Variants in RALGPS2 observed in about 807,000 individuals in gnomAD.
RALGPS2 encodes Ral GEF with PH domain and SH3 binding motif 2.
In RALGPS2, 43 loss-of-function variants were observed where a neutral mutation model predicts 86.8. The ratio of observed to expected loss-of-function variants is 0.50; its 90% CI spans 0.39 to 0.64. RALGPS2 has a LOEUF of 0.64. RALGPS2 is among the 30% of genes least tolerant of loss of function. The probability of loss-of-function intolerance (pLI) is 0.00; values close to 1 mark genes in which losing one functional copy is unlikely to be tolerated. For missense variants in RALGPS2, 536 were observed against 694.6 expected, an observed-to-expected ratio of 0.77 and a Z score of 2.57; for synonymous variants, 243 against 231.3, an observed-to-expected ratio of 1.05 and a Z score of -0.46.
chr1:178,747,700 GC>G, intron 1 of RALGPS2: 1 of 1,414,712 alleles, frequency 7.1e-7, no homozygotes, highest in Non-Finnish European at 1.0e-6. Flanking sequence ...TACAGCAGCT[GC>G]CAGCGATGCT....
intron 10 of RALGPS2, among the ~76,000 whole-genome samples, chr1:178,882,011 A>G (rs963434491): frequency 1.4e-4 from 21 of 152,212 alleles, no homozygotes; most frequent in Middle Eastern, 6.8e-3. Context: ...TCAGGGTGAA[A>G]ATTCTTCTGG....
chr1:178,763,669 C>G (rs1010589019), intron 1 of RALGPS2, among the ~76,000 whole-genome samples: 1 of 152,108 alleles, frequency 6.6e-6, no homozygotes, highest in African/African-American at 2.4e-5. Context: ...TATAGGAGTG[C>G]TACTGATTTT....
At chr1:178,795,119 G>A (rs969879805) in intron 4 of RALGPS2, among the ~76,000 whole-genome samples, 9 of 151,778 alleles carry the variant, frequency 5.9e-5, no homozygotes, top group Admixed American at 3.9e-4. Context: ...GGCAGAGGTT[G>A]CAGTGAGCCG....
intron 9 of RALGPS2, 92 bp downstream of exon 9, chr1:178,877,727 G>A: frequency 7.0e-7 from 1 of 1,438,812 alleles, no homozygotes; most frequent in South Asian, 1.3e-5. Context: ...CACACAGCAG[G>A]GGACATCAAT....
chr1:178,809,459 T>C (rs1654878425), intron 5 of RALGPS2, among the ~76,000 whole-genome samples: 1 of 152,168 alleles, frequency 6.6e-6, no homozygotes, highest in Non-Finnish European at 1.5e-5. Flanking sequence ...TGCTTTGCTT[T>C]TATTTCCTTA....
In RALGPS2 at chr1:178,889,633, T is replaced by C; in HGVS notation, c.1193-9T>C. The C allele has an allele frequency of 6.3e-7, 1 of 1,590,690 alleles. No homozygotes were observed. The highest frequency in any genetic ancestry group is 8.6e-7 in the Non-Finnish European group (1 of 1,162,920). ...GATGTTTAAAAAATAGGATAACTTTTCATTTTAGGTAGCAGCGATGGTTCT... is the reference window on the plus strand; with the variant it reads ...GATGTTTAAAAAATAGGATAACTTTCCATTTTAGGTAGCAGCGATGGTTCT... On this transcript the variant is annotated splice_polypyrimidine_tract_variant and intron_variant, in intron 13 of 19. Coordinates refer to ENST00000367635, the MANE Select transcript of RALGPS2 (RefSeq NM_152663.5).
rs1438734929 is a variant in RALGPS2, at chr1:178,764,822, A to T, written c.-83-11860A>T. On this transcript the variant is annotated intron_variant, in intron 1 of 19. Transcript: ENST00000367635. ...GGCTCTGTGTCCCCACCCAAATTTC[A>T]TGTTGAATTGTAATCCCCAGTGTTG... Among the ~76,000 whole-genome samples the T allele has an allele frequency of 3.9e-5, 6 of 152,282 alleles. No homozygotes were observed. The East Asian group carries it at 1.2e-3, about 29-fold the overall frequency.
chr1:178,810,056 G>A (rs959516147), intron 5 of RALGPS2, among the ~76,000 whole-genome samples: 2 of 151,688 alleles, frequency 1.3e-5, no homozygotes, highest in African/African-American at 4.8e-5. Context: ...AGACCAGCTT[G>A]GGCAACATAC....
intron 14 of RALGPS2, 143 bp downstream of exon 14, chr1:178,889,839 T>C: frequency 1.9e-6 from 1 of 536,676 alleles, no homozygotes; most frequent in Admixed American, 3.8e-5. Context: ...GAAGTTGATA[T>C]TTAAGTTTGG....
chr1:178,744,995 T>G (rs1651235517), intron 1 of RALGPS2, among the ~76,000 whole-genome samples: 1 of 152,182 alleles, frequency 6.6e-6, no homozygotes, highest in African/African-American at 2.4e-5. Context: ...TAAATATCAA[T>G]TGCATTTATT....
At chr1:178,747,301 A>T in intron 1 of RALGPS2, 1 of 1,529,520 alleles carries the variant, frequency 6.5e-7, no homozygotes, top group Non-Finnish European at 9.1e-7. Context: ...GGACTCCAAA[A>T]TCTGGCCAAG....
rs185214663 is a variant in RALGPS2 at position 178,838,884 on chromosome 1, C to T, written c.607+5334C>T. Among the ~76,000 whole-genome samples, 247 of 152,254 alleles carry T rather than the reference C, an allele frequency of 1.6e-3. 1 individual carries two copies. The highest frequency in any genetic ancestry group is 5.7e-3 in the African/African-American group (237 of 41,546). On this transcript the variant is annotated intron_variant, in intron 8 of 19. Transcript: ENST00000367635. ...TGACACATGCACAAGCTTCAGTAGC[C>T]TATTCGATCAACTGGAAGAAAGGGT...
chr1:178,856,202 G>GATATATAT lies in RALGPS2; in HGVS notation c.608-21271_608-21264dup, dbSNP rs55797277. Among the ~76,000 whole-genome samples, 139 of 83,866 alleles carry GATATATAT rather than the reference G, an allele frequency of 1.7e-3. 2 individuals carry two copies. The highest frequency in any genetic ancestry group is 2.6e-3 in the African/African-American group (41 of 15,568). The allele number at this position is 83,866 out of a possible 152,430, so 55.0% of individuals were successfully genotyped here. On this transcript the variant is annotated intron_variant, in intron 8 of 19. Transcript: ENST00000367635. ...ACCTGTACTTTTCCAGAGAGAGAGA[G>GATATATAT]ATATATATATATATATATATATATA...
At chr1:178,854,410 T>C (rs998276511) in intron 8 of RALGPS2, among the ~76,000 whole-genome samples, 3 of 152,160 alleles carry the variant, frequency 2.0e-5, no homozygotes, top group Non-Finnish European at 4.4e-5. Flanking sequence ...TGTTTCCCTT[T>C]TGGAAATTCT....
At chr1:178,813,244 T>G (rs1655075358) in intron 6 of RALGPS2, among the ~76,000 whole-genome samples, 1 of 152,198 alleles carries the variant, frequency 6.6e-6, no homozygotes, top group Non-Finnish European at 1.5e-5. Context: ...ATACTGGTTT[T>G]TAACTAATAA....
At chr1:178,893,395 A>G (rs889989559) in intron 15 of RALGPS2, among the ~76,000 whole-genome samples, 3 of 151,118 alleles carry the variant, frequency 2.0e-5, no homozygotes, top group Admixed American at 6.6e-5. Context: ...TTTAAAATAT[A>G]TTATTATTGA....
intron 6 of RALGPS2, among the ~76,000 whole-genome samples, chr1:178,812,733 G>A (rs1344181158): frequency 6.6e-6 from 1 of 152,134 alleles, no homozygotes; most frequent in Non-Finnish European, 1.5e-5. Context: ...AAAGAAGGCA[G>A]AATAAAATGA....
chr1:178,847,224 TCA>T (rs1558146995), intron 8 of RALGPS2, among the ~76,000 whole-genome samples: 1 of 152,218 alleles, frequency 6.6e-6, no homozygotes. Flanking sequence ...AGCAGGCGGA[TCA>T]CCTGAGGTCA....
At chr1:178,907,447 G>A (rs4430291) in intron 19 of RALGPS2, among the ~76,000 whole-genome samples, 9,034 of 152,196 alleles carry the variant, frequency 0.059, 357 homozygotes, top group Non-Finnish European at 0.092. Context: ...TGGTGGTAGT[G>A]AAACCAAAAA....
Sources: allele counts gnomAD v4.1 joint callset (sites outside exome capture counted in the v4.1 genomes callset), GRCh38; gene constraint gnomAD v4.1.1; transcripts MANE v1.5; gene names NCBI Gene and HGNC (gene_info 2026-07-23, HGNC 2026-07-21).